The following CSTF3 variants were observed in gnomAD, a reference collection of about 807,000 sequenced individuals.
CSTF3 encodes the protein CF-1 77 kDa subunit.
CSTF3 carries 29 observed loss-of-function variants against 105.8 expected under a neutral mutation model. The ratio of observed to expected loss-of-function variants is 0.27; its 90% CI spans 0.20 to 0.37. CSTF3 has a LOEUF of 0.37. Among genes scored for constraint, CSTF3 ranks in the 10% least tolerant of loss-of-function variants. The pLI is 1.00. For missense variants in CSTF3, 357 were observed against 879.3 expected, an observed-to-expected ratio of 0.41 and a Z score of 7.51; for synonymous variants, 252 against 281.9, an observed-to-expected ratio of 0.89 and a Z score of 1.06.
chr11:33,128,127 G>A (rs1744115038), intron 3 of CSTF3, among the ~76,000 whole-genome samples: 2 of 152,048 alleles, frequency 1.3e-5, no homozygotes, highest in Non-Finnish European at 2.9e-5. Flanking sequence ...TTTACTCATG[G>A]TAAAAACATT....
chr11:33,105,985 G>A lies in CSTF3; in HGVS notation c.423+13C>T, dbSNP rs963457476. On this transcript the variant is annotated intron_variant, in intron 6 of 20. Transcript: ENST00000323959. ...TACATTTAAGTGCATACATTAAAAA[G>A]TTTTAACTCTACCTGATAGGACATA... The A allele has an allele frequency of 2.5e-6, 4 of 1,601,252 alleles. No homozygotes were observed. The highest frequency in any genetic ancestry group is 1.7e-6 in the Non-Finnish European group (2 of 1,170,030).
chr11:33,158,362 C>T (rs1463783746), intron 1 of CSTF3, among the ~76,000 whole-genome samples: 1 of 151,970 alleles, frequency 6.6e-6, no homozygotes. Context: ...AAGAGAAATC[C>T]ATGAATCCAT....
At chr11:33,120,532 C>A (rs1289586139) in intron 3 of CSTF3, among the ~76,000 whole-genome samples, 1 of 151,846 alleles carries the variant, frequency 6.6e-6, no homozygotes. Context: ...TTTTAAAATT[C>A]AACCACTTAA....
intron 1 of CSTF3, among the ~76,000 whole-genome samples, chr11:33,157,976 C>A (rs1399332211): frequency 1.3e-5 from 2 of 152,144 alleles, no homozygotes; most frequent in African/African-American, 4.8e-5. Context: ...AAATATCAAG[C>A]AAGGTACAGC....
intron 1 of CSTF3, among the ~76,000 whole-genome samples, chr11:33,148,385 G>A (rs1855809847): frequency 6.6e-6 from 1 of 152,130 alleles, no homozygotes; most frequent in South Asian, 2.1e-4. Flanking sequence ...TAATTCTAAC[G>A]TATAGCAGTC....
intron 20 of CSTF3, 73 bp downstream of exon 20, chr11:33,085,640 A>G (rs1055200690): frequency 1.5e-6 from 2 of 1,332,024 alleles, no homozygotes; most frequent in African/African-American, 2.9e-5. Flanking sequence ...TCAGTGGCAG[A>G]GAATAATAAT....
At chr11:33,122,063 A>T (rs190695199) in intron 3 of CSTF3, among the ~76,000 whole-genome samples, 4 of 152,308 alleles carry the variant, frequency 2.6e-5, no homozygotes, top group Admixed American at 2.6e-4. Context: ...ATATCCCATC[A>T]TCCTACTGCA....
chr11:33,094,541 C>T (rs780873100), intron 15 of CSTF3, among the ~76,000 whole-genome samples: 2 of 151,918 alleles, frequency 1.3e-5, no homozygotes, highest in African/African-American at 2.4e-5. Flanking sequence ...GTGCTAACAC[C>T]AGATATCCTC....
intron 3 of CSTF3, among the ~76,000 whole-genome samples, chr11:33,110,003 C>T (rs1855364121): frequency 1.3e-5 from 2 of 152,146 alleles, no homozygotes; most frequent in African/African-American, 4.8e-5. Context: ...TCATACATAA[C>T]GGTTTTAGAC....
At chr11:33,152,416 A>C (rs1055130209) in intron 1 of CSTF3, among the ~76,000 whole-genome samples, 1 of 152,134 alleles carries the variant, frequency 6.6e-6, no homozygotes, top group Non-Finnish European at 1.5e-5. Context: ...GGCGTGCACC[A>C]CCGCACCTGG....
intron 18 of CSTF3, among the ~76,000 whole-genome samples, chr11:33,086,699 A>G (rs1363119532): frequency 1.3e-5 from 2 of 152,196 alleles, no homozygotes; most frequent in Non-Finnish European, 2.9e-5. Flanking sequence ...TGGCCTCCCA[A>G]AGTGCCAGGA....
intron 1 of CSTF3, among the ~76,000 whole-genome samples, chr11:33,146,753 C>A (rs585813): frequency 1.4e-4 from 22 of 151,744 alleles, no homozygotes; most frequent in Non-Finnish European, 3.1e-4. Context: ...TTTTCTTATT[C>A]GTCTGAGAAA....
intron 3 of CSTF3, among the ~76,000 whole-genome samples, chr11:33,138,867 A>G (rs547037255): frequency 5.3e-5 from 8 of 152,026 alleles, no homozygotes; most frequent in African/African-American, 1.9e-4. Flanking sequence ...TTGAAATTAT[A>G]TATTAAGAAT....
At chr11:33,091,645 G>A (rs1176644511) in intron 16 of CSTF3, among the ~76,000 whole-genome samples, 3 of 152,166 alleles carry the variant, frequency 2.0e-5, no homozygotes, top group African/African-American at 4.8e-5. Flanking sequence ...AGTAAGGGAG[G>A]TGAAAATTTC....
intron 3 of CSTF3, among the ~76,000 whole-genome samples, chr11:33,118,827 C>T (rs1336585668): frequency 6.6e-6 from 1 of 150,820 alleles, no homozygotes; most frequent in African/African-American, 2.4e-5. Context: ...GATTTGCTTC[C>T]CTCAAACGTC....
At chr11:33,156,553 T>C (rs1018297291) in intron 1 of CSTF3, among the ~76,000 whole-genome samples, 12 of 152,246 alleles carry the variant, frequency 7.9e-5, no homozygotes, top group Non-Finnish European at 1.5e-4. Context: ...TGAGCCTAAA[T>C]GCTCCTTTGT....
At chr11:33,159,746 G>T (rs939856141) in intron 1 of CSTF3, among the ~76,000 whole-genome samples, 1 of 152,074 alleles carries the variant, frequency 6.6e-6, no homozygotes, top group African/African-American at 2.4e-5. Context: ...GCACTCTAGT[G>T]TGAGTGACAA....
At chr11:33,150,219 T>TAAAAAAAAAAAAAA (rs10714096) in intron 1 of CSTF3, among the ~76,000 whole-genome samples, 6 of 104,388 alleles carry the variant, frequency 5.7e-5, no homozygotes, top group African/African-American at 7.2e-5. Flanking sequence ...TGTCTCAAAC[T>TAAAAAAAAAAAAAA]AAAAAAAAAA....
At chr11:33,108,681 A>G (rs988767754) in intron 3 of CSTF3, among the ~76,000 whole-genome samples, 1 of 152,234 alleles carries the variant, frequency 6.6e-6, no homozygotes, top group African/African-American at 2.4e-5. Context: ...AAAAGTCATG[A>G]GATGAATACA....
Sources: allele counts gnomAD v4.1 joint callset (sites outside exome capture counted in the v4.1 genomes callset), GRCh38; gene constraint gnomAD v4.1.1; transcripts MANE v1.5; gene names NCBI Gene and HGNC (gene_info 2026-07-23, HGNC 2026-07-21).